The following ACSM1 variants were observed in gnomAD, a reference collection of about 807,000 sequenced individuals.
The protein encoded by ACSM1 is acyl-CoA synthetase medium chain family member 1, also known as acyl-coenzyme A synthetase ACSM1, mitochondrial.
In ACSM1, 79 loss-of-function variants were observed where a neutral mutation model predicts 75.8. That is an observed-to-expected ratio of 1.04 (90% confidence interval 0.87 to 1.26). The LOEUF (loss-of-function observed/expected upper bound fraction) is 1.26. Among genes scored for constraint, ACSM1 ranks in the 50% most tolerant of loss-of-function variants. ACSM1 has a pLI of 0.00. For synonymous variants in ACSM1, 279 were observed against 265.8 expected, an observed-to-expected ratio of 1.05 and a Z score of -0.48; for missense variants, 676 against 720.1, an observed-to-expected ratio of 0.94 and a Z score of 0.70.
At chr16:20,635,608 C>G (rs972732190) in intron 10 of ACSM1, among the ~76,000 whole-genome samples, 1 of 99,214 alleles carries the variant, frequency 1.0e-5, no homozygotes, top group African/African-American at 3.7e-5. Flanking sequence ...TTCTTTCTTT[C>G]TTTCTTTCTT....
intron 3 of ACSM1, 120 bp downstream of exon 3, chr16:20,685,073 C>A: frequency 9.7e-7 from 1 of 1,031,372 alleles, no homozygotes; most frequent in Non-Finnish European, 1.5e-6. Context: ...AGCACAGAAA[C>A]TGGGGCGAAG....
At chr16:20,655,299 A>G (rs1596858304) in intron 7 of ACSM1, among the ~76,000 whole-genome samples, 1 of 151,760 alleles carries the variant, frequency 6.6e-6, no homozygotes, top group Non-Finnish European at 1.5e-5. Context: ...CCTAATGTAG[A>G]TGACGAGTTA....
At position 20,671,760 on chromosome 16, in the gene ACSM1, A is replaced by C. The variant is rs138439798; in HGVS notation, c.612-89T>G. The C allele has an allele frequency of 1.8e-5, 25 of 1,391,778 alleles. No individual in the cohort carries two copies. In the African/African-American group the frequency reaches 2.8e-4, roughly 15 times the overall value. 86.2% of individuals were successfully genotyped at this position (1,391,778 alleles called of 1,614,324 possible). ...TGCAAAAGAAACATAAGGCACGGAC[A>C]GGAAACTGGGAGTTTGCAACACTAG... On this transcript the variant is annotated intron_variant, in intron 4 of 13. Transcript: ENST00000520010.
chr16:20,627,347 G>C (rs755974273), intron 10 of ACSM1, 31 bp from the exon 11 acceptor site: 9 of 1,546,390 alleles, frequency 5.8e-6, no homozygotes, highest in Non-Finnish European at 6.9e-6. Context: ...CTTTGTTGAA[G>C]GCAGTGAATT....
intron 10 of ACSM1, among the ~76,000 whole-genome samples, chr16:20,635,584 CTTTCTTTCT>C (rs1567251595): frequency 1.6e-4 from 1 of 6,376 alleles, no homozygotes; most frequent in Non-Finnish European, 2.4e-4. Flanking sequence ...TTTTCTTTTT[CTTTCTTTCT>C]TTCTTTCTTT....
chr16:20,636,610 G>A (rs546115547), intron 10 of ACSM1, 129 bp downstream of exon 10: 5 of 679,164 alleles, frequency 7.4e-6, no homozygotes, highest in African/African-American at 3.6e-5. Flanking sequence ...GGTGAGCTTC[G>A]AGTTGAATGA....
At chr16:20,685,842 A>AAC (rs2079543586) in intron 2 of ACSM1, among the ~76,000 whole-genome samples, 2 of 123,632 alleles carry the variant, frequency 1.6e-5, no homozygotes, top group Non-Finnish European at 3.8e-5. Flanking sequence ...CAAACAAAAA[A>AAC]AAAACAAAAA....
At chr16:20,637,254 AG>A (rs752071420) in intron 9 of ACSM1, 116 bp downstream of exon 9, 14 of 873,168 alleles carry the variant, frequency 1.6e-5, no homozygotes, top group South Asian at 1.6e-4. Flanking sequence ...ATAAATGAGA[AG>A]AGAGGAGGAA....
Position 20,623,504 on chromosome 16 carries a change from CT to C in ACSM1, c.1715del (p.Lys572ArgfsTer10). 4 of 1,614,112 alleles carry C rather than the reference CT, an allele frequency of 2.5e-6. No homozygotes were observed. The highest frequency in any genetic ancestry group is 3.4e-6 in the Non-Finnish European group (4 of 1,180,000). Reference protein sequence around the residue: ...GKIERKELRKKETGQM With the variant: ...GKIERKELRKXETGQM Reference sequence around the variant, plus strand: ...CTGCCGATTACATCTGACCAGTCTCCTTTTTCCGAAGTTCCTTCCGTTCAAT... The same window carrying C: ...CTGCCGATTACATCTGACCAGTCTCCTTTTCCGAAGTTCCTTCCGTTCAAT... On this transcript the variant is annotated frameshift_variant, in exon 14 of 14. Coordinates refer to ENST00000520010, the MANE Select transcript of ACSM1 (RefSeq NM_001318890.3). LOFTEE classifies it high-confidence loss of function.
chr16:20,669,103 G>C (rs2019731939), intron 6 of ACSM1, among the ~76,000 whole-genome samples: 1 of 151,968 alleles, frequency 6.6e-6, no homozygotes, highest in African/African-American at 2.4e-5. Flanking sequence ...GAAAATGTTG[G>C]GGTGAAGGGA....
At chr16:20,674,187 A>G in intron 4 of ACSM1, 1 of 397,224 alleles carries the variant, frequency 2.5e-6, no homozygotes, top group Non-Finnish European at 5.1e-6. Flanking sequence ...CCAGAGGAAG[A>G]GAAAGAGGTG....
chr16:20,669,771 G>C, intron 6 of ACSM1, 56 bp downstream of exon 6: 1 of 1,577,248 alleles, frequency 6.3e-7, no homozygotes, highest in Non-Finnish European at 8.7e-7. Flanking sequence ...GCAAGGTCCA[G>C]GAAACATGGA....
At chr16:20,641,111 AAG>A (rs369176929) in intron 7 of ACSM1, among the ~76,000 whole-genome samples, 38 of 152,320 alleles carry the variant, frequency 2.5e-4, no homozygotes, top group African/African-American at 9.1e-4. Context: ...TGAGTAGGGA[AAG>A]AGAGAGGGAG....
chr16:20,653,761 A>C (rs1464923308), intron 7 of ACSM1, among the ~76,000 whole-genome samples: 1 of 152,244 alleles, frequency 6.6e-6, no homozygotes, highest in African/African-American at 2.4e-5. Context: ...AAGAGGACAC[A>C]AACAAATGGA....
chr16:20,657,613 T>TC (rs1251161414), intron 7 of ACSM1, among the ~76,000 whole-genome samples: 1 of 151,778 alleles, frequency 6.6e-6, no homozygotes, highest in African/African-American at 2.4e-5. Flanking sequence ...CCAATGTTTT[T>TC]TTTTTTATTA....
chr16:20,684,465 T>C (rs2079510956), intron 3 of ACSM1, among the ~76,000 whole-genome samples: 1 of 152,232 alleles, frequency 6.6e-6, no homozygotes, highest in South Asian at 2.1e-4. Context: ...ATATACCCCC[T>C]GATGTGATGC....
chr16:20,652,935 G>A (rs1190870854), intron 7 of ACSM1, among the ~76,000 whole-genome samples: 1 of 152,124 alleles, frequency 6.6e-6, no homozygotes, highest in East Asian at 1.9e-4. Flanking sequence ...CCAAAGCCTG[G>A]CAGAGACACA....
intron 7 of ACSM1, among the ~76,000 whole-genome samples, chr16:20,653,619 CAGAG>C (rs1340360858): frequency 2.0e-5 from 3 of 152,148 alleles, no homozygotes; most frequent in Non-Finnish European, 2.9e-5. Context: ...AATAGACAAA[CAGAG>C]AGCCAAATCA....
chr16:20,636,679 A>T, intron 10 of ACSM1, 60 bp downstream of exon 10: 1 of 1,227,120 alleles, frequency 8.1e-7, no homozygotes. Flanking sequence ...AAGCCTCAGG[A>T]TGCAGAGCTC....
Sources: gnomAD v4.1 joint callset for allele counts (sites outside exome capture counted in the v4.1 genomes callset) on GRCh38, gnomAD v4.1.1 for gene constraint, MANE v1.5 for transcripts, NCBI Gene and HGNC (gene_info 2026-07-23, HGNC 2026-07-21) for gene names.